ATF4: variants seen among roughly 807,000 people sequenced by gnomAD.
ATF4 encodes cyclic AMP-dependent transcription factor ATF-4.
Under a neutral mutation model 21.0 loss-of-function variants are expected in ATF4, and 8 were observed. The observed-to-expected ratio is 0.38, with a 90% CI of 0.22 to 0.69. The LOEUF is 0.69. Among genes scored for constraint, ATF4 ranks in the 30% least tolerant of loss-of-function variants. ATF4 has a pLI of 0.49. For synonymous variants in ATF4, 241 were observed against 166.4 expected (o/e 1.45, Z -3.45); for missense variants, 549 against 425.9 (o/e 1.29, Z -2.54).
chr22:39,522,097 G>C lies in ATF4; in HGVS notation c.551G>C (p.Ser184Thr). 6.2e-7 allele frequency: 1 copy of C among 1,614,004 alleles called. No individual in the cohort carries two copies. The highest frequency in any genetic ancestry group is 1.1e-5 in the South Asian group (1 of 91,078). The change falls in exon 3 of 3, where the codon AGT (serine) becomes ACT (threonine). Residue 184 changes from serine to threonine, a missense_variant. Coordinates refer to ENST00000674920, the MANE Select transcript of ATF4 (RefSeq NM_182810.3). ...CATTCCTTTAGTTTAGAGCTGGGCA[G>C]TGAAGTGGATATCACTGAAGGAGAT... ...PDHSFSLELGSEVDITEGDRK... is the reference protein window; with the variant it reads ...PDHSFSLELGTEVDITEGDRK...
Position 39,522,381 on chromosome 22 carries a change from G to C in ATF4, c.835G>C (p.Asp279His), listed in dbSNP as rs749719594. The change falls in exon 3 of 3, where the codon GAT becomes CAT. Residue 279 changes from aspartate to histidine, a missense_variant. Physicochemically the swap from Asp to His is moderately conservative, Grantham distance 81. Coordinates refer to ENST00000674920, the MANE Select transcript of ATF4 (RefSeq NM_182810.3). ...VAAKVKGEKL[D>H]KKLKKMEQNK... The stretch of plus-strand genomic sequence containing the variant: ...AGCAAAAGTAAAGGGTGAGAAACTG[G>C]ATAAGAAGCTGAAAAAAATGGAGCA... 1.9e-6 allele frequency: 3 copies of C among 1,612,676 alleles called. No individual in the cohort carries two copies. The highest frequency in any genetic ancestry group is 2.5e-6 in the Non-Finnish European group (3 of 1,179,324).
In ATF4 at chr22:39,521,511, G is replaced by A. The variant is rs199649119; in HGVS notation, c.66G>A (p.Gln22=). The A allele has an allele frequency of 3.7e-6, 6 of 1,604,704 alleles. No homozygotes were observed. The highest frequency in any genetic ancestry group is 4.3e-6 in the Non-Finnish European group (5 of 1,174,750). Residue 22 remains glutamine (Q), a synonymous_variant, in exon 2 of 3, where the codon CAG becomes CAA. Transcript: ENST00000674920. ...LVGDLMSPFD[Q]SGLGAEESLG... ...GGGACTTGATGTCCCCCTTCGACCAGTCGGGTTTGGGGGCTGAAGAAAGCC... is the reference window on the plus strand; with the variant it reads ...GGGACTTGATGTCCCCCTTCGACCAATCGGGTTTGGGGGCTGAAGAAAGCC...
chr22:39,522,371 T>C lies in ATF4; in HGVS notation c.825T>C (p.Gly275=). 3 of 1,611,354 alleles carry C rather than the reference T, an allele frequency of 1.9e-6. No homozygotes were observed. The highest frequency in any genetic ancestry group is 2.5e-6 in the Non-Finnish European group (3 of 1,179,002). ...AGATGGTAGCAGCAAAAGTAAAGGG[T>C]GAGAAACTGGATAAGAAGCTGAAAA... The part of the protein sequence containing the change: ...GEKMVAAKVK[G]EKLDKKLKKM... Residue 275 remains glycine (G), a synonymous_variant, in exon 3 of 3, where the codon GGT becomes GGC. Transcript: ENST00000674920.
In ATF4 at chr22:39,522,213, A is replaced by G. The variant is rs906932678; in HGVS notation, c.667A>G (p.Met223Val). Residue 223 changes from methionine to valine, a missense_variant, in exon 3 of 3, where the codon ATG becomes GTG. By Grantham distance (21) the Met-to-Val change is conservative. Coordinates refer to ENST00000674920, the MANE Select transcript of ATF4 (RefSeq NM_182810.3). ...TTCAGATAATGATAGTGGCATCTGT[A>G]TGAGCCCAGAGTCCTATCTGGGGTC... is the stretch of plus-strand genomic sequence containing the variant. ...TPSDNDSGICMSPESYLGSPQ... is the reference protein window; with the variant it reads ...TPSDNDSGICVSPESYLGSPQ... 8 of 1,610,458 alleles carry G rather than the reference A, an allele frequency of 5.0e-6. No homozygotes were observed. The highest frequency in any genetic ancestry group is 2.7e-5 in the African/African-American group (2 of 74,856).
In ATF4 at chr22:39,521,969, T is replaced by C. The variant is rs1477569855; in HGVS notation, c.423T>C (p.Ile141=). The change falls in exon 3 of 3, where the codon ATT becomes ATC. Residue 141 remains isoleucine, a synonymous_variant. Transcript: ENST00000674920. ...AGCCCCCCCAGACGGTGAACCCAAT[T>C]GGCCATCTCCCAGAAAGTTTAACAA... ...NKQPPQTVNP[I]GHLPESLTKP... The C allele has an allele frequency of 3.7e-6, 6 of 1,611,968 alleles. No individual in the cohort carries two copies. The highest frequency in any genetic ancestry group is 1.6e-4 in the Middle Eastern group (1 of 6,078).
At position 39,522,638 on chromosome 22, in the gene ATF4, T is replaced by TA. The variant is rs781774201; in HGVS notation, c.*37dup. 8 of 1,470,132 alleles carry TA rather than the reference T, an allele frequency of 5.4e-6. No homozygotes were observed. The highest frequency in any genetic ancestry group is 4.2e-5 in the South Asian group (3 of 70,818). The allele number at this position is 1,470,132 out of a possible 1,614,324, so 91.1% of individuals were successfully genotyped here. A position where few individuals can be genotyped will look rare whatever the true frequency, so the allele number is the denominator to read the frequency against. Reference sequence around the variant, plus strand: ...TCAGGAGCGTCAATGTGCTTGTACATAGAGTGCTGTAGCTGTGTGTTCCAA... The same window carrying TA: ...TCAGGAGCGTCAATGTGCTTGTACATAAGAGTGCTGTAGCTGTGTGTTCCAA... On this transcript the variant is annotated 3_prime_UTR_variant, in exon 3 of 3. Transcript: ENST00000674920.
rs111719524 is a variant in ATF4 at position 39,521,582 on chromosome 22, C to T, written c.137C>T (p.Pro46Leu). 2.0e-3 allele frequency: 3,175 copies of T among 1,614,052 alleles called. 8 individuals are homozygous for T. Among genetic ancestry groups the T allele is most frequent in the Non-Finnish European group, 2.4e-3 (2,874 of 1,180,012 alleles). The change falls in exon 2 of 3, where the codon CCT becomes CTT. Residue 46 changes from proline to leucine, a missense_variant. Physicochemically the swap from Pro to Leu is moderately conservative, Grantham distance 98. Transcript: ENST00000674920. ...DYLEVAKHFK[P>L]HGFSSDKAKA... ...CTGGAGGTGGCCAAGCACTTCAAAC[C>T]TCATGGGTTCTCCAGCGACAAGGCT... is the stretch of plus-strand genomic sequence containing the variant.
rs770325317 is a variant in ATF4 at position 39,521,948 on chromosome 22, C to G, written c.402C>G (p.Pro134=). 1 of 1,612,772 alleles carries G rather than the reference C, an allele frequency of 6.2e-7. No individual in the cohort carries two copies. Among genetic ancestry groups the G allele is most frequent in the Admixed American group, 1.7e-5 (1 of 59,900 alleles). ...APLVQETNKQ[P]PQTVNPIGHL... The stretch of plus-strand genomic sequence containing the variant: ...TAGTCCAGGAGACTAATAAGCAGCC[C>G]CCCCAGACGGTGAACCCAATTGGCC... Residue 134 remains proline (P), a synonymous_variant, in exon 3 of 3, where the codon CCC becomes CCG. Transcript: ENST00000674920.
chr22:39,521,722 T>G (rs781282473), intron 2 of ATF4, 51 bp downstream of exon 2: 1 of 1,609,396 alleles, frequency 6.2e-7, no homozygotes, highest in East Asian at 2.2e-5. Context: ...GTTAGGGGCC[T>G]CCTACCTTTG....
Position 39,522,606 on chromosome 22 carries a change from A to C in ATF4, c.*4A>C. On this transcript the variant is annotated 3_prime_UTR_variant, in exon 3 of 3. Transcript: ENST00000674920. ...GGGGAAGAAAAGGGTCCCCTAGTTG[A>C]GGATAGTCAGGAGCGTCAATGTGCT... The C allele has an allele frequency of 6.5e-7, 1 of 1,528,920 alleles. No homozygotes were observed. Among genetic ancestry groups the C allele is most frequent in the South Asian group, 1.3e-5 (1 of 75,526 alleles). 94.7% of individuals were successfully genotyped at this position (1,528,920 alleles called of 1,614,324 possible). A position where few individuals can be genotyped will look rare whatever the true frequency, so the allele number is the denominator to read the frequency against.
Position 39,522,083 on chromosome 22 carries a change from T to A in ATF4, c.537T>A (p.Ser179Arg). ...CCTCCACTCCAGATCATTCCTTTAG[T>A]TTAGAGCTGGGCAGTGAAGTGGATA... ...VLSSTPDHSF[S>R]LELGSEVDIT... Residue 179 changes from serine (S) to arginine (R), a missense_variant, in exon 3 of 3, where the codon AGT (serine) becomes AGA (arginine). By Grantham distance (110) the Ser-to-Arg change is moderately radical (BLOSUM62 -1). Transcript: ENST00000674920. The A allele has an allele frequency of 6.2e-7, 1 of 1,613,948 alleles. No homozygotes were observed. The highest frequency in any genetic ancestry group is 8.5e-7 in the Non-Finnish European group (1 of 1,179,858).
In ATF4 at chr22:39,522,038, C is replaced by T. The variant is rs746637544; in HGVS notation, c.492C>T (p.Pro164=). The T allele has an allele frequency of 1.9e-6, 3 of 1,613,922 alleles. No homozygotes were observed. Among genetic ancestry groups the T allele is most frequent in the Non-Finnish European group, 2.5e-6 (3 of 1,179,860 alleles). Residue 164 remains proline, a synonymous_variant, in exon 3 of 3, where the codon CCC becomes CCT. Transcript: ENST00000674920. ...CCTTCACCTTCTTACAACCTCTTCC[C>T]CTTTCCCCAGGGGTCCTGTCCTCCA... ...VAPFTFLQPL[P]LSPGVLSSTP...
At position 39,521,480 on chromosome 22, in the gene ATF4, T is replaced by G. The variant is rs527712972; in HGVS notation, c.35T>G (p.Leu12Trp). The change falls in exon 2 of 3, where the codon TTG (leucine) becomes TGG (tryptophan). Residue 12 changes from leucine to tryptophan, a missense_variant. Transcript: ENST00000674920. ...TEMSFLSSEV[L>W]VGDLMSPFDQ... ...ATGAGCTTCCTGAGCAGCGAGGTGT[T>G]GGTGGGGGACTTGATGTCCCCCTTC... 3 of 1,573,438 alleles carry G rather than the reference T, an allele frequency of 1.9e-6. No individual in the cohort carries two copies. The East Asian group carries it at 6.8e-5, about 36-fold the overall frequency.
Position 39,522,231 on chromosome 22 carries a change from C to T in ATF4, c.685C>T (p.Leu229=). The T allele has an allele frequency of 6.2e-7, 1 of 1,608,894 alleles. No individual in the cohort carries two copies. The highest frequency in any genetic ancestry group is 8.5e-7 in the Non-Finnish European group (1 of 1,176,938). Residue 229 remains leucine, a synonymous_variant, in exon 3 of 3, where the codon CTG becomes TTG. Coordinates refer to ENST00000674920, the MANE Select transcript of ATF4 (RefSeq NM_182810.3). ...CATCTGTATGAGCCCAGAGTCCTAT[C>T]TGGGGTCTCCTCAGCACAGCCCCTC... ...SGICMSPESY[L]GSPQHSPSTR...
In ATF4 at chr22:39,522,590, A is replaced by T. The variant is rs1299495923; in HGVS notation, c.1044A>T (p.Lys348Asn). ...AGGTCCGCAAGGCAAGGGGGAAGAAAAGGGTCCCCTAGTTGAGGATAGTCA... is the reference window on the plus strand; with the variant it reads ...AGGTCCGCAAGGCAAGGGGGAAGAATAGGGTCCCCTAGTTGAGGATAGTCA... The part of the protein sequence containing the change: ...IEEVRKARGK[K>N]RVP Residue 348 changes from lysine to asparagine, a missense_variant, in exon 3 of 3, where the codon AAA becomes AAT. Transcript: ENST00000674920. 6.5e-7 allele frequency: 1 copy of T among 1,536,202 alleles called. No individual in the cohort carries two copies. Among genetic ancestry groups the T allele is most frequent in the East Asian group, 2.3e-5 (1 of 44,400 alleles).
rs115378447 is a variant in ATF4, at chr22:39,520,801, T to G, written c.-93+50T>G. On this transcript the variant is annotated intron_variant, in intron 1 of 2. Coordinates refer to ENST00000674920, the MANE Select transcript of ATF4 (RefSeq NM_182810.3). ...GCTGTGCTCCTGGGGCCGGCGCGGG[T>G]TTTGGATTGGTGGGGTGCGGCCTGG... The G allele has an allele frequency of 8.0e-3, 1,218 of 152,818 alleles. 16 individuals carry two copies. The highest frequency in any genetic ancestry group is 0.027 in the African/African-American group (1,127 of 41,188). 9.5% of individuals were successfully genotyped at this position (152,818 alleles called of 1,614,324 possible). A position where few individuals can be genotyped will look rare whatever the true frequency, so the allele number is the denominator to read the frequency against.
chr22:39,521,551 G>A lies in ATF4; in HGVS notation c.106G>A (p.Asp36Asn). The A allele has an allele frequency of 6.2e-7, 1 of 1,613,330 alleles. No homozygotes were observed. The highest frequency in any genetic ancestry group is 1.3e-5 in the African/African-American group (1 of 75,016). The change falls in exon 2 of 3, where the codon GAT becomes AAT. Residue 36 changes from aspartate (D) to asparagine (N), a missense_variant. Physicochemically the swap from Asp to Asn is conservative, Grantham distance 23. Coordinates refer to ENST00000674920, the MANE Select transcript of ATF4 (RefSeq NM_182810.3). ...TGAAGAAAGCCTAGGTCTCTTAGATGATTACCTGGAGGTGGCCAAGCACTT... is the reference window on the plus strand; with the variant it reads ...TGAAGAAAGCCTAGGTCTCTTAGATAATTACCTGGAGGTGGCCAAGCACTT... ...GAEESLGLLD[D>N]YLEVAKHFKP... is the part of the protein sequence containing the mutation.
In ATF4 at chr22:39,522,202, G is replaced by C. The variant is rs752311404; in HGVS notation, c.656G>C (p.Ser219Thr). ...GAAGACACCCCTTCAGATAATGATA[G>C]TGGCATCTGTATGAGCCCAGAGTCC... ...KEEDTPSDNDSGICMSPESYL... is the reference protein window; with the variant it reads ...KEEDTPSDNDTGICMSPESYL... The change falls in exon 3 of 3, where the codon AGT becomes ACT. Residue 219 changes from serine (S) to threonine (T), a missense_variant. Transcript: ENST00000674920. 2 of 1,611,054 alleles carry C rather than the reference G, an allele frequency of 1.2e-6. No homozygotes were observed. The highest frequency in any genetic ancestry group is 1.7e-5 in the Admixed American group (1 of 59,714).
At position 39,522,587 on chromosome 22, in the gene ATF4, G is replaced by GA. The variant is rs1931038622; in HGVS notation, c.1045dup (p.Arg349LysfsTer17). On this transcript the variant is annotated frameshift_variant, in exon 3 of 3. Transcript: ENST00000674920. LOFTEE classifies it high-confidence loss of function. ...AAGAGGTCCGCAAGGCAAGGGGGAAGAAAAGGGTCCCCTAGTTGAGGATAG... is the reference window on the plus strand; with the variant it reads ...AAGAGGTCCGCAAGGCAAGGGGGAAGAAAAAGGGTCCCCTAGTTGAGGATAG... 6.5e-7 allele frequency: 1 copy of GA among 1,536,972 alleles called. No individual in the cohort carries two copies. The highest frequency in any genetic ancestry group is 2.2e-5 in the Admixed American group (1 of 45,478).
Sources: gnomAD v4.1 joint callset for allele counts on GRCh38, gnomAD v4.1.1 for gene constraint, MANE v1.5 for transcripts, NCBI Gene and HGNC (gene_info 2026-07-23, HGNC 2026-07-21) for gene names.